Variants in TMEM45A observed in about 807,000 individuals in gnomAD.
The protein encoded by TMEM45A is DNA polymerase-transactivated protein 4.
Under a neutral mutation model 32.0 loss-of-function variants are expected in TMEM45A, and 25 were observed. The observed-to-expected ratio is 0.78, with a 90% confidence interval of 0.57 to 1.09. The LOEUF (loss-of-function observed/expected upper bound fraction) is 1.09, where lower values mean the gene tolerates loss of function less well. Among genes scored for constraint, TMEM45A ranks in the 50% least tolerant of loss-of-function variants. TMEM45A has a pLI of 0.00. For synonymous variants in TMEM45A, 122 were observed against 114.8 expected (o/e 1.06, Z -0.40); for missense variants, 302 against 325.0 (o/e 0.93, Z 0.54).
intron 1 of TMEM45A, among the ~76,000 whole-genome samples, chr3:100,525,135 C>T (rs1705515597): frequency 6.6e-6 from 1 of 151,880 alleles, no homozygotes. Flanking sequence ...CTGCAGTGAG[C>T]TATGACTGAG....
At chr3:100,530,637 A>G (rs900612164) in intron 1 of TMEM45A, among the ~76,000 whole-genome samples, 5 of 152,206 alleles carry the variant, frequency 3.3e-5, no homozygotes, top group Admixed American at 3.3e-4. Flanking sequence ...TATTTGATCC[A>G]TAATACTTTA....
intron 1 of TMEM45A, among the ~76,000 whole-genome samples, chr3:100,553,132 AT>A (rs1036604383): frequency 1.3e-5 from 2 of 152,204 alleles, no homozygotes; most frequent in Admixed American, 1.3e-4. Context: ...GGAGTAATTC[AT>A]TTTAAATTTA....
chr3:100,521,707 G>A (rs1437158312), intron 1 of TMEM45A, among the ~76,000 whole-genome samples: 1 of 152,158 alleles, frequency 6.6e-6, no homozygotes, highest in Non-Finnish European at 1.5e-5. Context: ...TGCCCACTGA[G>A]GATCTAGAGA....
Position 100,545,124 on chromosome 3 carries a change from G to A in TMEM45A, c.-3-10085G>A, listed in dbSNP as rs539984668. On this transcript the variant is annotated intron_variant, in intron 1 of 5. Transcript: ENST00000323523. ...TCATGTTTGCCATTTGTATACAGAA[G>A]TTTTAAGTTTTGATGTGGTCAACTT... 3.9e-5 allele frequency among the ~76,000 whole-genome samples: 6 copies of A among 152,286 alleles called. No homozygotes were observed. In the South Asian group the frequency reaches 1.2e-3, roughly 32 times the overall value.
At chr3:100,531,213 T>G (rs899466677) in intron 1 of TMEM45A, among the ~76,000 whole-genome samples, 5 of 152,196 alleles carry the variant, frequency 3.3e-5, no homozygotes, top group Admixed American at 1.3e-4. Context: ...TTTTTCCTAA[T>G]TATTTATCTC....
At chr3:100,575,081 TGGTGA>T (rs939420709) in intron 5 of TMEM45A, among the ~76,000 whole-genome samples, 13 of 152,184 alleles carry the variant, frequency 8.5e-5, no homozygotes, top group Non-Finnish European at 1.8e-4. Context: ...GCAGGTAGAC[TGGTGA>T]AATTTTTCAT....
In TMEM45A at chr3:100,575,128, T is replaced by C. The variant is rs181441752; in HGVS notation, c.735-1797T>C. Among the ~76,000 whole-genome samples the C allele has an allele frequency of 6.6e-5, 10 of 152,330 alleles. No individual in the cohort carries two copies. In the East Asian group the frequency reaches 1.5e-3, roughly 24 times the overall value. Reference sequence around the variant, plus strand: ...AGAGTGATATTGGTGATTTGGCTTATCAAATTTGTTTGCATATTCCTATGT... The same window carrying C: ...AGAGTGATATTGGTGATTTGGCTTACCAAATTTGTTTGCATATTCCTATGT... On this transcript the variant is annotated intron_variant, in intron 5 of 5. Coordinates refer to ENST00000323523, the MANE Select transcript of TMEM45A (RefSeq NM_018004.3).
chr3:100,532,311 C>T lies in TMEM45A; in HGVS notation c.-3-22898C>T, dbSNP rs1228192308. On this transcript the variant is annotated intron_variant, in intron 1 of 5. Coordinates refer to ENST00000323523, the MANE Select transcript of TMEM45A (RefSeq NM_018004.3). ...CTCCTTCTGCATCTTTGGCTGGTTC[C>T]TTGTAAGGCCTGATAACTGGAGAGT... Among the ~76,000 whole-genome samples, 3 of 152,186 alleles carry T rather than the reference C, an allele frequency of 2.0e-5. No homozygotes were observed. The East Asian group carries it at 5.8e-4, about 29-fold the overall frequency.
intron 1 of TMEM45A, among the ~76,000 whole-genome samples, chr3:100,526,014 G>A (rs1322258403): frequency 6.6e-6 from 1 of 152,096 alleles, no homozygotes; most frequent in African/African-American, 2.4e-5. Flanking sequence ...TCTCTCCCGC[G>A]GCTCTGACTC....
chr3:100,505,189 G>T (rs747058472), intron 1 of TMEM45A, among the ~76,000 whole-genome samples: 11 of 152,140 alleles, frequency 7.2e-5, no homozygotes, highest in Non-Finnish European at 1.0e-4. Flanking sequence ...TTGCTGCCCA[G>T]AGAGCCTCTT....
At chr3:100,508,056 C>G (rs1466208265) in intron 1 of TMEM45A, among the ~76,000 whole-genome samples, 1 of 151,814 alleles carries the variant, frequency 6.6e-6, no homozygotes, top group Non-Finnish European at 1.5e-5. Context: ...AGCAAAGCAG[C>G]TGGCCCAGCT....
intron 5 of TMEM45A, chr3:100,573,310 C>T (rs1376322132): frequency 5.9e-5 from 9 of 151,670 alleles, no homozygotes; most frequent in Non-Finnish European, 1.2e-4. Flanking sequence ...TTGAAGAGGT[C>T]CTTCACATCC....
chr3:100,537,876 G>A lies in TMEM45A; in HGVS notation c.-3-17333G>A, dbSNP rs7427095. On this transcript the variant is annotated intron_variant, in intron 1 of 5. Coordinates refer to ENST00000323523, the MANE Select transcript of TMEM45A (RefSeq NM_018004.3). ...GTACATTGTTTTGTAAACTTGTCAG[G>A]CCCACTGGGTGCCTGTGACTGCGCT... Among the ~76,000 whole-genome samples, 183 of 152,326 alleles carry A rather than the reference G, an allele frequency of 1.2e-3. 1 individual carries two copies. Among genetic ancestry groups the A allele is most frequent in the African/African-American group, 4.3e-3 (179 of 41,576 alleles).
chr3:100,510,807 C>A (rs1276059192), intron 1 of TMEM45A, among the ~76,000 whole-genome samples: 1 of 152,076 alleles, frequency 6.6e-6, no homozygotes, highest in African/African-American at 2.4e-5. Context: ...AACCAAGGCT[C>A]GAGAACTACG....
chr3:100,567,212 AT>A (rs944389580), intron 4 of TMEM45A, among the ~76,000 whole-genome samples: 1 of 151,208 alleles, frequency 6.6e-6, no homozygotes, highest in Non-Finnish European at 1.5e-5. Flanking sequence ...GTCCAAATTC[AT>A]TTTTTTTCAT....
chr3:100,517,417 T>C (rs1708281856), intron 1 of TMEM45A, among the ~76,000 whole-genome samples: 1 of 152,266 alleles, frequency 6.6e-6, no homozygotes, highest in Non-Finnish European at 1.5e-5. Flanking sequence ...AGGAACTTGA[T>C]ACTTTCTGAA....
chr3:100,547,285 C>T (rs1020898840), intron 1 of TMEM45A, among the ~76,000 whole-genome samples: 69 of 151,890 alleles, frequency 4.5e-4, no homozygotes, highest in African/African-American at 1.5e-3. Flanking sequence ...TCACGCTGGG[C>T]TAATTTTTGT....
intron 1 of TMEM45A, among the ~76,000 whole-genome samples, chr3:100,540,736 A>AT (rs1326672159): frequency 6.6e-6 from 1 of 152,202 alleles, no homozygotes; most frequent in Admixed American, 6.5e-5. Flanking sequence ...CCATACAAAA[A>AT]CCTGCACATA....
intron 4 of TMEM45A, among the ~76,000 whole-genome samples, chr3:100,564,924 T>C (rs1706399011): frequency 6.6e-6 from 1 of 152,244 alleles, no homozygotes; most frequent in African/African-American, 2.4e-5. Flanking sequence ...ATCTCAGTAC[T>C]GATTATTCAA....
Sources: allele counts gnomAD v4.1 joint callset (sites outside exome capture counted in the v4.1 genomes callset), GRCh38; gene constraint gnomAD v4.1.1; transcripts MANE v1.5; gene names NCBI Gene and HGNC (gene_info 2026-07-23, HGNC 2026-07-21).